Variants in CEP112 observed in about 807,000 individuals in gnomAD.
The protein encoded by CEP112 is centrosomal protein of 112 kDa.
CEP112 carries 127 observed loss-of-function variants against 153.0 expected under a neutral mutation model. That is an observed-to-expected ratio of 0.83 (90% confidence interval 0.72 to 0.96). The LOEUF (loss-of-function observed/expected upper bound fraction) is 0.96, where lower values mean the gene tolerates loss of function less well. Among genes scored for constraint, CEP112 ranks in the 40% least tolerant of loss-of-function variants. The probability of loss-of-function intolerance (pLI) is 0.00; values close to 1 mark genes in which losing one functional copy is unlikely to be tolerated. For missense variants in CEP112, 1,089 were observed against 1,101.2 expected (o/e 0.99, Z 0.16); for synonymous variants, 358 against 374.4 (o/e 0.96, Z 0.51).
intron 8 of CEP112, among the ~76,000 whole-genome samples, chr17:66,089,528 CG>C (rs1378433658): frequency 6.6e-6 from 1 of 151,626 alleles, no homozygotes; most frequent in Non-Finnish European, 1.5e-5. Context: ...CAAAATATAA[CG>C]AATGAAAAGA....
At chr17:66,106,824 G>A (rs868187259) in intron 6 of CEP112, among the ~76,000 whole-genome samples, 1 of 151,808 alleles carries the variant, frequency 6.6e-6, no homozygotes, top group South Asian at 2.1e-4. Context: ...ACCAAAACCA[G>A]ACAAAGACAC....
intron 21 of CEP112, among the ~76,000 whole-genome samples, chr17:65,815,662 TCTTTA>T (rs1472180714): frequency 3.3e-5 from 5 of 152,084 alleles, no homozygotes; most frequent in Non-Finnish European, 7.4e-5. Context: ...TTTAATTACA[TCTTTA>T]CTTTATGCCA....
Position 65,647,263 on chromosome 17 carries a change from T to C in CEP112, c.2698-6198A>G, listed in dbSNP as rs1342370611. ...ATCTCGGCTCAGCGCAACCTCCGCC[T>C]CCTGGGTTCAAGCGATTCTCCTGCC... On this transcript the variant is annotated intron_variant, in intron 24 of 26. Transcript: ENST00000535342. Among the ~76,000 whole-genome samples, 11 of 145,854 alleles carry C rather than the reference T, an allele frequency of 7.5e-5. No individual in the cohort carries two copies. The Admixed American group carries it at 7.9e-4, about 10-fold the overall frequency.
intron 6 of CEP112, among the ~76,000 whole-genome samples, chr17:66,100,416 A>G (rs2068523748): frequency 1.3e-5 from 2 of 151,452 alleles, no homozygotes; most frequent in Non-Finnish European, 2.9e-5. Context: ...ACAGAAAAAA[A>G]AAAAAAAAAA....
rs189493961 is a variant in CEP112, at chr17:65,857,600, T to G, written c.2164-5566A>C. On this transcript the variant is annotated intron_variant, in intron 20 of 26. Transcript: ENST00000535342. ...TATATTATAGGTTATTTTCAAACGTTACATCAACCTTAGGTTACATTCAAT... is the reference window on the plus strand; with the variant it reads ...TATATTATAGGTTATTTTCAAACGTGACATCAACCTTAGGTTACATTCAAT... Among the ~76,000 whole-genome samples, 174 of 152,358 alleles carry G rather than the reference T, an allele frequency of 1.1e-3. 1 individual carries two copies. Among genetic ancestry groups the G allele is most frequent in the African/African-American group, 4.1e-3 (172 of 41,580 alleles).
chr17:65,879,502 C>T (rs1039467430), intron 20 of CEP112, among the ~76,000 whole-genome samples: 2 of 152,106 alleles, frequency 1.3e-5, no homozygotes, highest in Non-Finnish European at 2.9e-5. Flanking sequence ...TAATTTGTTA[C>T]AATAGCAATA....
chr17:65,792,963 T>C (rs1276371816), intron 21 of CEP112, among the ~76,000 whole-genome samples: 8 of 152,182 alleles, frequency 5.3e-5, no homozygotes, highest in South Asian at 2.1e-4. Context: ...TGAACACCTC[T>C]TTTTAGCTGG....
chr17:65,802,681 T>C (rs931565337), intron 21 of CEP112, among the ~76,000 whole-genome samples: 1 of 152,214 alleles, frequency 6.6e-6, no homozygotes, highest in African/African-American at 2.4e-5. Context: ...TTTATTTACA[T>C]GGATGTTCTT....
intron 17 of CEP112, among the ~76,000 whole-genome samples, chr17:65,966,291 G>A (rs2062411202): frequency 1.3e-5 from 2 of 152,216 alleles, no homozygotes; most frequent in Middle Eastern, 3.4e-3. Flanking sequence ...TTCCAAAAAG[G>A]GCAATAAAAT....
chr17:65,958,361 TA>T (rs1280514468), intron 18 of CEP112, among the ~76,000 whole-genome samples: 4 of 152,254 alleles, frequency 2.6e-5, no homozygotes, highest in African/African-American at 9.6e-5. Flanking sequence ...ACATGTATAT[TA>T]CACGCATTAC....
chr17:66,131,469 C>A lies in CEP112; in HGVS notation c.564+1201G>T, dbSNP rs1171851827. On this transcript the variant is annotated intron_variant, in intron 5 of 26. Coordinates refer to ENST00000535342, the MANE Select transcript of CEP112 (RefSeq NM_001199165.4). ...AAAACAGTCATGTGTTGGCCGGGGG[C>A]AGTGGCTCACGCCTGTCATCCCAGC... Among the ~76,000 whole-genome samples the A allele has an allele frequency of 3.3e-5, 5 of 152,194 alleles. No individual in the cohort carries two copies. In the East Asian group the frequency reaches 9.6e-4, roughly 29 times the overall value.
At chr17:66,143,060 T>G (rs1299309142) in intron 4 of CEP112, among the ~76,000 whole-genome samples, 1 of 152,190 alleles carries the variant, frequency 6.6e-6, no homozygotes, top group Admixed American at 6.5e-5. Flanking sequence ...TTTCCACCTT[T>G]GGTTAAATTT....
chr17:66,030,589 T>C (rs1255203626), intron 12 of CEP112, among the ~76,000 whole-genome samples: 2 of 151,718 alleles, frequency 1.3e-5, no homozygotes, highest in Non-Finnish European at 2.9e-5. Flanking sequence ...TTAACATCTT[T>C]GCCGTTTTGT....
In CEP112 at chr17:66,005,726, G is replaced by T; in HGVS notation, c.1700C>A (p.Thr567Asn). The T allele has an allele frequency of 6.2e-7, 1 of 1,609,558 alleles. No individual in the cohort carries two copies. Reference sequence around the variant, plus strand: ...CTCAAATTTATGAATTTTCTTTTGAGTATCTTCTTTTCCTTTATCAAGTTC... The same window carrying T: ...CTCAAATTTATGAATTTTCTTTTGATTATCTTCTTTTCCTTTATCAAGTTC... ...QSELDKGKEDTQKKIHKFEEA... is the reference protein window; with the variant it reads ...QSELDKGKEDNQKKIHKFEEA... Residue 567 changes from threonine to asparagine, a missense_variant, in exon 17 of 27, where the codon ACT (threonine) becomes AAT (asparagine). By Grantham distance (65) the Thr-to-Asn change is moderately conservative. Coordinates refer to ENST00000535342, the MANE Select transcript of CEP112 (RefSeq NM_001199165.4).
intron 21 of CEP112, among the ~76,000 whole-genome samples, chr17:65,758,302 T>G (rs570112717): frequency 1.3e-5 from 2 of 152,250 alleles, no homozygotes; most frequent in Admixed American, 1.3e-4. Flanking sequence ...TTCTCATCTG[T>G]TTTTCTAGGG....
intron 4 of CEP112, among the ~76,000 whole-genome samples, chr17:66,145,983 TATA>T (rs1447894742): frequency 6.6e-6 from 1 of 152,060 alleles, no homozygotes; most frequent in Non-Finnish European, 1.5e-5. Context: ...TTATTCAAAA[TATA>T]ATATTATTTC....
intron 6 of CEP112, among the ~76,000 whole-genome samples, chr17:66,119,716 T>C (rs924673768): frequency 3.9e-5 from 6 of 152,150 alleles, no homozygotes; most frequent in Admixed American, 1.3e-4. Context: ...GCATATAAAG[T>C]TTTTGTGTGA....
chr17:66,044,481 C>T (rs1292178664), intron 12 of CEP112, among the ~76,000 whole-genome samples: 1 of 152,074 alleles, frequency 6.6e-6, no homozygotes, highest in African/African-American at 2.4e-5. Flanking sequence ...TGTCCATCTG[C>T]CAATGAATGG....
intron 18 of CEP112, among the ~76,000 whole-genome samples, chr17:65,951,750 C>CCTT (rs2061843857): frequency 3.1e-5 from 2 of 64,970 alleles, no homozygotes; most frequent in African/African-American, 8.7e-5. Flanking sequence ...CCCGCCCCCC[C>CCTT]CTTTCTTCCA....
Sources: gnomAD v4.1 joint callset for allele counts (sites outside exome capture counted in the v4.1 genomes callset) on GRCh38, gnomAD v4.1.1 for gene constraint, MANE v1.5 for transcripts, NCBI Gene and HGNC (gene_info 2026-07-23, HGNC 2026-07-21) for gene names.